The following SLC1A2 variants were observed in gnomAD, a reference collection of about 807,000 sequenced individuals.
SLC1A2 encodes the protein solute carrier family 1 member 2, also known as excitatory amino acid transporter 2.
Under a neutral mutation model 48.8 loss-of-function variants are expected in SLC1A2, and 15 were observed. The ratio of observed to expected loss-of-function variants is 0.31; its 90% CI spans 0.21 to 0.47. SLC1A2 has a LOEUF of 0.47. Among genes scored for constraint, SLC1A2 ranks in the 20% least tolerant of loss-of-function variants. The pLI, the probability that SLC1A2 is intolerant of heterozygous loss-of-function variation, is 0.99. For synonymous variants in SLC1A2, 279 were observed against 272.6 expected (o/e 1.02, Z -0.23); for missense variants, 502 against 730.5 (o/e 0.69, Z 3.61).
At chr11:35,360,792 A>G (rs1853652595) in intron 1 of SLC1A2, among the ~76,000 whole-genome samples, 1 of 152,222 alleles carries the variant, frequency 6.6e-6, no homozygotes, top group Non-Finnish European at 1.5e-5. Context: ...CATGGCTTCC[A>G]TAAACCATAA....
intron 1 of SLC1A2, among the ~76,000 whole-genome samples, chr11:35,332,998 T>G (rs769044043): frequency 6.6e-6 from 1 of 152,208 alleles, no homozygotes; most frequent in Non-Finnish European, 1.5e-5. Context: ...TTCAAACAAC[T>G]GCCAACTGTT....
rs966296077 is a variant in SLC1A2, at chr11:35,419,421, T to C, written c.-455A>G. 7 of 189,868 alleles carry C rather than the reference T, an allele frequency of 3.7e-5. No homozygotes were observed. Among genetic ancestry groups the C allele is most frequent in the Admixed American group, 1.9e-4 (3 of 16,072 alleles). The allele number at this position is 189,868 out of a possible 1,614,324, so 11.8% of individuals were successfully genotyped here. ...GCGTGCGTGCGCGTGTGCGGGTGTG[T>C]GCGCGCCTGGGGAGGCGGTGGAGGC... On this transcript the variant is annotated 5_prime_UTR_variant, in exon 1 of 11. Transcript: ENST00000278379. This position sits in a 1 kb window ranked among gnomAD's most constrained non-coding sequence, Gnocchi z 5.4.
At chr11:35,356,565 T>C (rs1263060593) in intron 1 of SLC1A2, among the ~76,000 whole-genome samples, 4 of 152,246 alleles carry the variant, frequency 2.6e-5, no homozygotes, top group African/African-American at 9.6e-5. Context: ...TGATCAAGAA[T>C]ATAACGTATC....
rs746089542 is a variant in SLC1A2 at position 35,257,361 on chromosome 11, T to TG, written c.*3532dup. 12 of 152,182 alleles carry TG rather than the reference T, an allele frequency of 7.9e-5. No individual in the cohort carries two copies. The highest frequency in any genetic ancestry group is 1.3e-4 in the Non-Finnish European group (9 of 68,018). 9.4% of individuals were successfully genotyped at this position (152,182 alleles called of 1,614,324 possible). Reference sequence around the variant, plus strand: ...TTTCATGAATATCCAGGCTGACTAGTGGTTCGAGAGGAGAAAGAAATATTT... The same window carrying TG: ...TTTCATGAATATCCAGGCTGACTAGTGGGTTCGAGAGGAGAAAGAAATATTT... On this transcript the variant is annotated 3_prime_UTR_variant, in exon 11 of 11. Coordinates refer to ENST00000278379, the MANE Select transcript of SLC1A2 (RefSeq NM_004171.4).
At chr11:35,371,955 C>T (rs1854076396) in intron 1 of SLC1A2, among the ~76,000 whole-genome samples, 2 of 152,276 alleles carry the variant, frequency 1.3e-5, no homozygotes, top group South Asian at 4.1e-4. Flanking sequence ...ATGATAGTAG[C>T]CTGAGAGTTC....
In SLC1A2 at chr11:35,292,242, G is replaced by T. The variant is rs772119386; in HGVS notation, c.1091+45C>A. ...TGAGAAATGAGAAATGGCAAAGAGG[G>T]CAAAAGAGTGAGCAAAGAGAAAGGT... On this transcript the variant is annotated intron_variant, in intron 7 of 10. Transcript: ENST00000278379. 4 of 1,386,774 alleles carry T rather than the reference G, an allele frequency of 2.9e-6. No individual in the cohort carries two copies. The South Asian group carries it at 3.6e-5, about 13-fold the overall frequency. 85.9% of individuals were successfully genotyped at this position (1,386,774 alleles called of 1,614,324 possible). A position where few individuals can be genotyped will look rare whatever the true frequency, so the allele number is the denominator to read the frequency against.
chr11:35,417,072 A>G (rs894706536), intron 1 of SLC1A2, among the ~76,000 whole-genome samples: 10 of 152,270 alleles, frequency 6.6e-5, no homozygotes, highest in African/African-American at 2.4e-4. Flanking sequence ...CTGTTAAATA[A>G]TAATGGGTCA....
chr11:35,338,888 A>G (rs1204549410), intron 1 of SLC1A2, among the ~76,000 whole-genome samples: 1 of 152,208 alleles, frequency 6.6e-6, no homozygotes, highest in Non-Finnish European at 1.5e-5. Context: ...TAAGTGGCAG[A>G]GGCTAGGACC....
intron 1 of SLC1A2, among the ~76,000 whole-genome samples, chr11:35,409,163 C>A (rs4144754): frequency 0.69 from 104,831 of 152,126 alleles, 36,675 homozygotes; most frequent in African/African-American, 0.81. Context: ...CTGAACATAT[C>A]TTAATATTTG....
intron 6 of SLC1A2, chr11:35,298,032 T>C (rs1326152073): frequency 6.6e-6 from 1 of 152,156 alleles, no homozygotes; most frequent in East Asian, 1.9e-4. Flanking sequence ...CAAAAAGAAA[T>C]TGATGTAGGT....
At chr11:35,380,347 C>G in intron 1 of SLC1A2, 1 of 398,612 alleles carries the variant, frequency 2.5e-6, no homozygotes, top group Non-Finnish European at 4.4e-6. Context: ...GAAAAATAAG[C>G]CAGGTTGTAG....
chr11:35,317,499 T>G lies in SLC1A2; in HGVS notation c.35A>C (p.Lys12Thr). 6.2e-7 allele frequency: 1 copy of G among 1,613,806 alleles called. No homozygotes were observed. Among genetic ancestry groups the G allele is most frequent in the Non-Finnish European group, 8.5e-7 (1 of 1,179,952 alleles). Residue 12 changes from lysine (K) to threonine (T), a missense_variant, in exon 2 of 11, where the codon AAG becomes ACG. Lys to Thr is a moderately conservative substitution (Grantham distance 78). Transcript: ENST00000278379. ...ASTEGANNMP[K>T]QVEVRMHDSH... is the part of the protein sequence containing the mutation. ...GTCGTGCATTCGCACTTCCACCTGC[T>G]TGGGCATATTGTTGGCACTGGAACA...
chr11:35,395,234 A>G (rs139683226), intron 1 of SLC1A2, among the ~76,000 whole-genome samples: 222 of 151,344 alleles, frequency 1.5e-3, no homozygotes, highest in African/African-American at 5.1e-3. Context: ...CTAATCTCTC[A>G]GGTGACTTCC....
At chr11:35,309,074 T>G (rs1382500855) in intron 4 of SLC1A2, among the ~76,000 whole-genome samples, 2 of 152,168 alleles carry the variant, frequency 1.3e-5, no homozygotes, top group East Asian at 1.9e-4. Context: ...GAAGCTCCTT[T>G]CCCCAGCTCT....
intron 1 of SLC1A2, among the ~76,000 whole-genome samples, chr11:35,362,798 G>A (rs1853725628): frequency 6.6e-6 from 1 of 152,116 alleles, no homozygotes; most frequent in Non-Finnish European, 1.5e-5. Context: ...GGATTTTCAG[G>A]TCTCATGTCT....
intron 6 of SLC1A2, among the ~76,000 whole-genome samples, chr11:35,297,371 C>A (rs1213355785): frequency 1.3e-5 from 2 of 152,104 alleles, no homozygotes; most frequent in East Asian, 1.9e-4. Flanking sequence ...TCCCACTTAC[C>A]CATGTTGTAC....
chr11:35,272,833 T>C (rs1850320131), intron 9 of SLC1A2, among the ~76,000 whole-genome samples: 1 of 152,138 alleles, frequency 6.6e-6, no homozygotes, highest in South Asian at 2.1e-4. Flanking sequence ...ACGGCTATGC[T>C]TTAGAGGTCA....
chr11:35,394,703 T>G (rs1317261208), intron 1 of SLC1A2, among the ~76,000 whole-genome samples: 1 of 152,040 alleles, frequency 6.6e-6, no homozygotes. Context: ...ACCTAGTCAG[T>G]GGGAGTGGCC....
chr11:35,312,338 C>T lies in SLC1A2; in HGVS notation c.421G>A (p.Ala141Thr), dbSNP rs1346480474. 6.2e-7 allele frequency: 1 copy of T among 1,614,116 alleles called. No homozygotes were observed. Among genetic ancestry groups the T allele is most frequent in the South Asian group, 1.1e-5 (1 of 91,084 alleles). Residue 141 changes from alanine (A) to threonine (T), a missense_variant, in exon 4 of 11, where the codon GCT (alanine) becomes ACT (threonine). Physicochemically the swap from Ala to Thr is moderately conservative, Grantham distance 58. Transcript: ENST00000278379. ...AAVLGVILVL[A>T]IHPGNPKLKK... The stretch of plus-strand genomic sequence containing the variant: ...AGCTTGGGATTGCCTGGATGGATAG[C>T]CAAGACCAGAATGACCCCCAGTACT...
Sources: allele counts gnomAD v4.1 joint callset (sites outside exome capture counted in the v4.1 genomes callset), GRCh38; gene constraint gnomAD v4.1.1; non-coding constraint Gnocchi (gnomAD v3.1); transcripts MANE v1.5; gene names NCBI Gene and HGNC (gene_info 2026-07-23, HGNC 2026-07-21).